The following NOX4 variants were observed in gnomAD, a reference collection of about 807,000 sequenced individuals.
The protein encoded by NOX4 is kidney oxidase-1.
A neutral mutation model predicts 87.6 loss-of-function variants in NOX4; 69 were observed. That is an observed-to-expected ratio of 0.79 (90% CI 0.65 to 0.96). NOX4 has a LOEUF of 0.96. Among genes scored for constraint, NOX4 ranks in the 40% least tolerant of loss-of-function variants. The pLI, the probability that NOX4 is intolerant of heterozygous loss-of-function variation, is 0.00. For missense variants in NOX4, 680 were observed against 681.5 expected, an observed-to-expected ratio of 1.00 and a Z score of 0.02; for synonymous variants, 275 against 238.2, an observed-to-expected ratio of 1.15 and a Z score of -1.42.
chr11:89,576,506 G>A, the NOX4 span, among the ~76,000 whole-genome samples: 1 of 152,142 alleles, frequency 6.6e-6, no homozygotes, highest in South Asian at 2.1e-4. Flanking sequence ...TTTTTCTTGA[G>A]AAATGTTATT....
intron 12 of NOX4, among the ~76,000 whole-genome samples, chr11:89,367,617 G>T (rs1194697812): frequency 6.6e-6 from 1 of 151,926 alleles, no homozygotes; most frequent in East Asian, 1.9e-4. Flanking sequence ...CCATTTGCTT[G>T]ACACTAAAAA....
At chr11:89,434,374 C>A (rs1591236957) in intron 6 of NOX4, among the ~76,000 whole-genome samples, 2 of 152,154 alleles carry the variant, frequency 1.3e-5, no homozygotes, top group Middle Eastern at 6.8e-3. Flanking sequence ...ACAAAAGGTG[C>A]CCTTCCCTAA....
At chr11:89,352,333 A>G (rs1216467802) in intron 13 of NOX4, among the ~76,000 whole-genome samples, 2 of 152,150 alleles carry the variant, frequency 1.3e-5, no homozygotes, top group African/African-American at 4.8e-5. Flanking sequence ...GTAGATGTAC[A>G]AGGAGATGAA....
chr11:89,429,503 T>G (rs1442039708), intron 7 of NOX4, among the ~76,000 whole-genome samples: 3 of 151,786 alleles, frequency 2.0e-5, no homozygotes, highest in African/African-American at 7.3e-5. Context: ...ATCAAATAGA[T>G]GCAATAAAAA....
chr11:89,451,966 A>G (rs1250963692), intron 2 of NOX4, 71 bp from the exon 3 acceptor site: 2 of 1,002,386 alleles, frequency 2.0e-6, no homozygotes, highest in Non-Finnish European at 3.2e-6. Context: ...TCTAGAAGCT[A>G]GAGGTCTCAC....
chr11:89,536,579 A>T, the NOX4 span, among the ~76,000 whole-genome samples: 2 of 152,234 alleles, frequency 1.3e-5, no homozygotes, highest in Admixed American at 1.3e-4. Flanking sequence ...TACTTCAAAT[A>T]GTGCTGGTTC....
chr11:89,366,965 C>A (rs1591036820), intron 12 of NOX4, among the ~76,000 whole-genome samples: 1 of 152,158 alleles, frequency 6.6e-6, no homozygotes, highest in East Asian at 1.9e-4. Context: ...AATGGATGGG[C>A]ACTTAAATTG....
chr11:89,537,051 A>G, the NOX4 span, among the ~76,000 whole-genome samples: 47 of 152,332 alleles, frequency 3.1e-4, no homozygotes, highest in Non-Finnish European at 6.3e-4. Context: ...AGTAAGCTGC[A>G]CTGGTGTGAA....
At chr11:89,345,953 C>G (rs962054522) in intron 13 of NOX4, among the ~76,000 whole-genome samples, 2 of 152,078 alleles carry the variant, frequency 1.3e-5, no homozygotes, top group Non-Finnish European at 2.9e-5. Context: ...CCAGAGCAAT[C>G]AAGTAGGAGA....
chr11:89,430,773 T>C (rs973780766), intron 7 of NOX4, among the ~76,000 whole-genome samples: 3 of 152,146 alleles, frequency 2.0e-5, no homozygotes, highest in Non-Finnish European at 4.4e-5. Context: ...AAAATGGCCA[T>C]ACTGCCCAAG....
chr11:89,567,535 A>G, the NOX4 span, among the ~76,000 whole-genome samples: 2 of 152,292 alleles, frequency 1.3e-5, no homozygotes, highest in East Asian at 3.9e-4. Flanking sequence ...GAAACTTACA[A>G]TCATGATGGA....
the NOX4 span, chr11:89,545,227 T>C: frequency 6.6e-6 from 1 of 152,310 alleles, no homozygotes; most frequent in African/African-American, 2.4e-5. Context: ...TAGTTCTGTG[T>C]ATGTTTTTCT....
At chr11:89,381,701 C>T (rs960465053) in intron 11 of NOX4, among the ~76,000 whole-genome samples, 2 of 151,436 alleles carry the variant, frequency 1.3e-5, no homozygotes, top group Non-Finnish European at 2.9e-5. Flanking sequence ...ATCGGGGGGA[C>T]CTCCCTTGGG....
chr11:89,444,693 A>G (rs1449413076), intron 4 of NOX4, among the ~76,000 whole-genome samples: 3 of 152,142 alleles, frequency 2.0e-5, no homozygotes, highest in Non-Finnish European at 4.4e-5. Flanking sequence ...CCATAAGGTA[A>G]ATTATAGGCC....
chr11:89,485,248 A>T (rs1049429026), intron 2 of NOX4, among the ~76,000 whole-genome samples: 2 of 152,144 alleles, frequency 1.3e-5, no homozygotes, highest in African/African-American at 4.8e-5. Context: ...ATAAAAGTTT[A>T]AAAAAAGCTT....
At chr11:89,363,672 C>A (rs1441472663) in intron 12 of NOX4, among the ~76,000 whole-genome samples, 15 of 151,982 alleles carry the variant, frequency 9.9e-5, no homozygotes. Context: ...CTTAGAAAAA[C>A]AAATTCCTTC....
At chr11:89,413,979 T>C (rs1454795219) in intron 8 of NOX4, among the ~76,000 whole-genome samples, 1 of 151,998 alleles carries the variant, frequency 6.6e-6, no homozygotes, top group Non-Finnish European at 1.5e-5. Context: ...TAAAAATATA[T>C]GTGTATATAT....
Position 89,400,003 on chromosome 11 carries a change from G to C in NOX4, c.1074+14C>G. ...ACCCTACAAATGTGAAAAAGCAAGA[G>C]ATATGTTTCTTACCATTGTGAGGGT... On this transcript the variant is annotated intron_variant, in intron 11 of 17. Transcript: ENST00000263317. 6.3e-7 allele frequency: 1 copy of C among 1,594,526 alleles called. No homozygotes were observed. The highest frequency in any genetic ancestry group is 8.6e-7 in the Non-Finnish European group (1 of 1,165,908).
the NOX4 span, among the ~76,000 whole-genome samples, chr11:89,547,755 G>T: frequency 6.6e-6 from 1 of 152,028 alleles, no homozygotes; most frequent in Admixed American, 6.6e-5. Context: ...TAATTGAGAA[G>T]AGTTTAAGGA....
Sources: allele counts gnomAD v4.1 joint callset (sites outside exome capture counted in the v4.1 genomes callset), GRCh38; gene constraint gnomAD v4.1.1; transcripts MANE v1.5; gene names NCBI Gene and HGNC (gene_info 2026-07-23, HGNC 2026-07-21).